The following HERC3 variants were observed in gnomAD, a reference collection of about 807,000 sequenced individuals.
The protein encoded by HERC3 is probable E3 ubiquitin-protein ligase HERC3.
Under a neutral mutation model 129.9 loss-of-function variants are expected in HERC3, and 58 were observed. That is an observed-to-expected ratio of 0.45 (90% CI 0.36 to 0.56). The LOEUF (loss-of-function observed/expected upper bound fraction) is 0.56, where lower values mean the gene tolerates loss of function less well. Ranked by LOEUF, HERC3 falls within the 20% of genes least tolerant of loss-of-function variation. The pLI, the probability that HERC3 is intolerant of heterozygous loss-of-function variation, is 0.00. For missense variants in HERC3, 835 were observed against 1,244.2 expected (o/e 0.67, Z 4.95); for synonymous variants, 430 against 451.0 (o/e 0.95, Z 0.59).
intron 16 of HERC3, among the ~76,000 whole-genome samples, chr4:88,674,179 A>T (rs1157588346): frequency 6.6e-6 from 1 of 152,102 alleles, no homozygotes; most frequent in Non-Finnish European, 1.5e-5. Context: ...TAGAGGGACT[A>T]CAAGCTGCCG....
At chr4:88,642,790 A>G (rs2149259285) in intron 3 of HERC3, among the ~76,000 whole-genome samples, 1 of 152,216 alleles carries the variant, frequency 6.6e-6, no homozygotes, top group South Asian at 2.1e-4. Flanking sequence ...ATTTCAGCAT[A>G]TACGTTTTGG....
At position 88,707,148 on chromosome 4, in the gene HERC3, T is replaced by C. The variant is rs1735853075; in HGVS notation, c.*188T>C. On this transcript the variant is annotated 3_prime_UTR_variant, in exon 26 of 26. Coordinates refer to ENST00000402738, the MANE Select transcript of HERC3 (RefSeq NM_014606.3). ...AACAACCTTTTTGAAAAATTAGAGG[T>C]TGGGGATGGGGTGAAAAATTGGCCC... The C allele has an allele frequency of 1.7e-6, 1 of 599,212 alleles. No homozygotes were observed. The highest frequency in any genetic ancestry group is 1.9e-5 in the African/African-American group (1 of 53,774). The allele number at this position is 599,212 out of a possible 1,614,324, so 37.1% of individuals were successfully genotyped here.
chr4:88,688,723 A>T (rs1733742743), intron 23 of HERC3, among the ~76,000 whole-genome samples: 1 of 152,216 alleles, frequency 6.6e-6, no homozygotes, highest in South Asian at 2.1e-4. Context: ...TTATATGAAT[A>T]TTTTTTAATT....
intron 3 of HERC3, among the ~76,000 whole-genome samples, chr4:88,606,993 G>A (rs1723723069): frequency 6.6e-6 from 1 of 152,174 alleles, no homozygotes; most frequent in South Asian, 2.1e-4. Context: ...CATGTTTTGT[G>A]CTAAGCAATG....
the HERC3 span, among the ~76,000 whole-genome samples, chr4:88,538,546 T>C: frequency 2.1e-5 from 1 of 47,456 alleles, no homozygotes; most frequent in Non-Finnish European, 3.7e-5. Flanking sequence ...CAATTTCCTC[T>C]TTTTTTTTTT....
chr4:88,581,601 C>T, the HERC3 span, among the ~76,000 whole-genome samples: 4 of 151,892 alleles, frequency 2.6e-5, no homozygotes, highest in African/African-American at 9.7e-5. Flanking sequence ...CCAATGTGCC[C>T]GGCCCTCTTT....
intron 12 of HERC3, among the ~76,000 whole-genome samples, chr4:88,666,209 C>T (rs1255892518): frequency 1.3e-5 from 2 of 152,040 alleles, no homozygotes; most frequent in Admixed American, 6.6e-5. Context: ...TGGGGAAAGC[C>T]TTTTATTTTT....
At chr4:88,570,759 TA>T in the HERC3 span, among the ~76,000 whole-genome samples, 1 of 100,424 alleles carries the variant, frequency 1.0e-5, no homozygotes, top group Non-Finnish European at 2.6e-5. Context: ...TATTTTATTT[TA>T]TTTTTATTTA....
rs58475059 is a variant in HERC3, at chr4:88,606,146, C to T, written c.226+97C>T. ...GATGGAGCTTTCTCCACCAAGTGTTCGGTTTTCAGGGAGGCTCTTTTGAAC... is the reference window on the plus strand; with the variant it reads ...GATGGAGCTTTCTCCACCAAGTGTTTGGTTTTCAGGGAGGCTCTTTTGAAC... On this transcript the variant is annotated intron_variant, in intron 3 of 25. Coordinates refer to ENST00000402738, the MANE Select transcript of HERC3 (RefSeq NM_014606.3). The T allele has an allele frequency of 0.023, 21,467 of 946,502 alleles. 1,702 individuals carry two copies. The East Asian group carries it at 0.28, about 12-fold the overall frequency. The allele number at this position is 946,502 out of a possible 1,614,324, so 58.6% of individuals were successfully genotyped here. A position where few individuals can be genotyped will look rare whatever the true frequency, so the allele number is the denominator to read the frequency against.
chr4:88,682,333 A>T (rs528942878), intron 21 of HERC3, among the ~76,000 whole-genome samples: 45 of 151,888 alleles, frequency 3.0e-4, no homozygotes, highest in Middle Eastern at 6.8e-3. Context: ...TATTTTTTTT[A>T]AATTATACTT....
the HERC3 span, among the ~76,000 whole-genome samples, chr4:88,560,307 T>A: frequency 1.3e-5 from 2 of 152,298 alleles, no homozygotes; most frequent in South Asian, 4.1e-4. Context: ...TGATATCTCA[T>A]AATGGTTTTG....
At chr4:88,630,359 C>T (rs1726603486) in intron 3 of HERC3, among the ~76,000 whole-genome samples, 1 of 152,048 alleles carries the variant, frequency 6.6e-6, no homozygotes, top group African/African-American at 2.4e-5. Context: ...TTTTGGTAGT[C>T]ATTTAAGATA....
chr4:88,549,786 C>A, the HERC3 span, among the ~76,000 whole-genome samples: 1 of 151,702 alleles, frequency 6.6e-6, no homozygotes, highest in African/African-American at 2.4e-5. Context: ...TTCACTGCAA[C>A]CTCCGCCTCC....
chr4:88,606,604 A>C (rs1429843001), intron 3 of HERC3, among the ~76,000 whole-genome samples: 2 of 152,182 alleles, frequency 1.3e-5, no homozygotes, highest in African/African-American at 4.8e-5. Flanking sequence ...TTACAGTTCC[A>C]CGTGGCTGGG....
At chr4:88,635,066 G>A (rs747457185) in intron 3 of HERC3, among the ~76,000 whole-genome samples, 3 of 152,046 alleles carry the variant, frequency 2.0e-5, no homozygotes, top group Non-Finnish European at 4.4e-5. Flanking sequence ...TGAAAAAAAC[G>A]CTGAAAACCC....
At chr4:88,652,599 G>T (rs972243022) in intron 5 of HERC3, among the ~76,000 whole-genome samples, 12 of 152,130 alleles carry the variant, frequency 7.9e-5, no homozygotes, top group Non-Finnish European at 1.6e-4. Context: ...TAATTGGCCT[G>T]TCCGAAATTG....
At chr4:88,573,279 T>C in the HERC3 span, among the ~76,000 whole-genome samples, 1 of 152,202 alleles carries the variant, frequency 6.6e-6, no homozygotes, top group African/African-American at 2.4e-5. Context: ...AAACATTCTT[T>C]GGGTGCACAT....
At chr4:88,654,350 ATAT>A (rs1729627791) in intron 7 of HERC3, among the ~76,000 whole-genome samples, 4 of 5,062 alleles carry the variant, frequency 7.9e-4, no homozygotes, top group Non-Finnish European at 1.5e-3. Flanking sequence ...TAGATTTTTC[ATAT>A]ATATATATAT....
At chr4:88,607,571 C>T (rs1723808208) in intron 3 of HERC3, among the ~76,000 whole-genome samples, 1 of 152,124 alleles carries the variant, frequency 6.6e-6, no homozygotes, top group Admixed American at 6.5e-5. Context: ...TGCAGATATC[C>T]TCTCAGTCTC....
Sources: gnomAD v4.1 joint callset for allele counts (sites outside exome capture counted in the v4.1 genomes callset) on GRCh38, gnomAD v4.1.1 for gene constraint, MANE v1.5 for transcripts, NCBI Gene and HGNC (gene_info 2026-07-23, HGNC 2026-07-21) for gene names.